EIPR1: variants seen among roughly 807,000 people sequenced by gnomAD.
EIPR1 encodes EARP complex and GARP complex interacting protein 1.
A neutral mutation model predicts 48.1 loss-of-function variants in EIPR1; 25 were observed. That is an observed-to-expected ratio of 0.52 (90% confidence interval 0.38 to 0.73). EIPR1 has a LOEUF of 0.73. Ranked by LOEUF, EIPR1 falls within the 30% of genes least tolerant of loss-of-function variation. EIPR1 has a pLI of 0.00. For missense variants in EIPR1, 415 were observed against 506.2 expected (o/e 0.82, Z 1.73); for synonymous variants, 204 against 201.9 (o/e 1.01, Z -0.09).
chr2:3,275,163 CA>C (rs1667810228), intron 3 of EIPR1, among the ~76,000 whole-genome samples: 3 of 152,076 alleles, frequency 2.0e-5, no homozygotes, highest in Admixed American at 2.0e-4. Context: ...ACATTGTTTA[CA>C]AGACATATCC....
chr2:3,228,693 C>A (rs760789460), intron 4 of EIPR1, among the ~76,000 whole-genome samples: 1 of 152,132 alleles, frequency 6.6e-6, no homozygotes, highest in Non-Finnish European at 1.5e-5. Flanking sequence ...AGGGCAGGAC[C>A]AGGTGGAAAT....
chr2:3,198,010 C>T (rs1664869834), intron 5 of EIPR1, among the ~76,000 whole-genome samples: 1 of 152,186 alleles, frequency 6.6e-6, no homozygotes, highest in South Asian at 2.1e-4. Context: ...TACCGAGGGG[C>T]TTTGCTGGCC....
intron 3 of EIPR1, among the ~76,000 whole-genome samples, chr2:3,324,005 G>C (rs772392794): frequency 6.6e-6 from 1 of 152,174 alleles, no homozygotes; most frequent in Non-Finnish European, 1.5e-5. Context: ...AATTCACAGC[G>C]CCAGTGTGAA....
intron 4 of EIPR1, among the ~76,000 whole-genome samples, chr2:3,238,619 C>A (rs1378558085): frequency 6.6e-6 from 1 of 152,230 alleles, no homozygotes; most frequent in East Asian, 1.9e-4. Flanking sequence ...TTTGTTTTCA[C>A]AGAGGAAGCG....
chr2:3,240,302 CG>C lies in EIPR1; in HGVS notation c.416+16996del, dbSNP rs1198959828. ...CCAGCAGATCCTTCCTCAAGAACAG[CG>C]AGCAGGTCCCTCCTAAAGCAAAGCC... On this transcript the variant is annotated intron_variant, in intron 4 of 8. Coordinates refer to ENST00000382125, the MANE Select transcript of EIPR1 (RefSeq NM_003310.5). Among the ~76,000 whole-genome samples, 31 of 82,880 alleles carry C rather than the reference CG, an allele frequency of 3.7e-4. 1 individual carries two copies. Among genetic ancestry groups the C allele is most frequent in the African/African-American group, 1.1e-3 (27 of 24,254 alleles). The allele number at this position is 82,880 out of a possible 152,430, so 54.4% of individuals were successfully genotyped here. A position where few individuals can be genotyped will look rare whatever the true frequency, so the allele number is the denominator to read the frequency against.
chr2:3,328,568 T>C (rs1669774718), intron 3 of EIPR1, among the ~76,000 whole-genome samples: 5 of 128,160 alleles, frequency 3.9e-5, no homozygotes, highest in Non-Finnish European at 3.2e-5. Context: ...CAGCCTGGGC[T>C]CCCCTGGATC....
intron 3 of EIPR1, among the ~76,000 whole-genome samples, chr2:3,327,744 A>G (rs1669743142): frequency 6.6e-6 from 1 of 152,206 alleles, no homozygotes; most frequent in African/African-American, 2.4e-5. Context: ...GCTACTTTGC[A>G]TCCTCAGACC....
At chr2:3,193,930 A>G (rs1278178335) in intron 7 of EIPR1, 69 bp downstream of exon 7, 2 of 1,555,130 alleles carry the variant, frequency 1.3e-6, no homozygotes, top group Admixed American at 1.7e-5. Flanking sequence ...GTCTTTCCCA[A>G]TGGTAAAGTA....
chr2:3,283,528 C>T (rs1440883231), intron 3 of EIPR1, among the ~76,000 whole-genome samples: 3 of 134,262 alleles, frequency 2.2e-5, no homozygotes, highest in Non-Finnish European at 5.0e-5. Context: ...AAGTGATGCA[C>T]CACGTTCACA....
intron 1 of EIPR1, among the ~76,000 whole-genome samples, chr2:3,375,842 T>TG (rs1171272338): frequency 6.6e-6 from 1 of 152,240 alleles, no homozygotes; most frequent in Admixed American, 6.5e-5. Context: ...GCAGAGTGTC[T>TG]GACACATAGT....
intron 5 of EIPR1, among the ~76,000 whole-genome samples, chr2:3,212,168 GATAAAAA>G: frequency 6.6e-6 from 1 of 152,136 alleles, no homozygotes; most frequent in East Asian, 1.9e-4. Flanking sequence ...GCTGACAGTG[GATAAAAA>G]AGGGGGAGAG....
intron 3 of EIPR1, among the ~76,000 whole-genome samples, chr2:3,274,734 T>A (rs1413136771): frequency 6.6e-6 from 1 of 152,064 alleles, no homozygotes; most frequent in Non-Finnish European, 1.5e-5. Context: ...CTTTTGAGGT[T>A]AATAAAAATA....
At chr2:3,329,739 T>A (rs1172833616) in intron 3 of EIPR1, among the ~76,000 whole-genome samples, 3 of 147,874 alleles carry the variant, frequency 2.0e-5, no homozygotes, top group African/African-American at 7.6e-5. Context: ...CTACTCGCCA[T>A]GCTCTAATGA....
intron 1 of EIPR1, among the ~76,000 whole-genome samples, chr2:3,362,348 C>A (rs1472789710): frequency 6.6e-6 from 1 of 152,200 alleles, no homozygotes; most frequent in Admixed American, 6.5e-5. Flanking sequence ...GCCCCACACC[C>A]AATACCTGGG....
chr2:3,325,792 A>G (rs1190113441), intron 3 of EIPR1, among the ~76,000 whole-genome samples: 1 of 152,238 alleles, frequency 6.6e-6, no homozygotes, highest in Non-Finnish European at 1.5e-5. Flanking sequence ...GCTATAAATC[A>G]TGTTTTCATT....
intron 1 of EIPR1, among the ~76,000 whole-genome samples, chr2:3,368,831 T>C (rs970958794): frequency 6.6e-6 from 1 of 152,156 alleles, no homozygotes; most frequent in African/African-American, 2.4e-5. Context: ...AATATAATTA[T>C]AAAAAAATCC....
chr2:3,375,572 A>G (rs1311684012), intron 1 of EIPR1, among the ~76,000 whole-genome samples: 1 of 152,202 alleles, frequency 6.6e-6, no homozygotes, highest in South Asian at 2.1e-4. Context: ...CTATCTACCC[A>G]TGTGGTCTCT....
chr2:3,239,566 T>G (rs1666527015), intron 4 of EIPR1, among the ~76,000 whole-genome samples: 1 of 152,212 alleles, frequency 6.6e-6, no homozygotes, highest in Non-Finnish European at 1.5e-5. Flanking sequence ...CTGTTTGCTT[T>G]CCACGTGTGG....
intron 4 of EIPR1, among the ~76,000 whole-genome samples, chr2:3,221,038 G>A (rs1276417896): frequency 8.3e-5 from 3 of 36,108 alleles, no homozygotes; most frequent in African/African-American, 2.8e-4. Context: ...GTACACTCTA[G>A]AACACTCACA....
Sources: allele counts gnomAD v4.1 joint callset (sites outside exome capture counted in the v4.1 genomes callset), GRCh38; gene constraint gnomAD v4.1.1; transcripts MANE v1.5; gene names NCBI Gene and HGNC (gene_info 2026-07-23, HGNC 2026-07-21).